Variants in FKBP1B observed in about 807,000 individuals in gnomAD.
The protein encoded by FKBP1B is FKBP prolyl isomerase 1B.
In FKBP1B, 4 loss-of-function variants were observed where a neutral mutation model predicts 13.5. The ratio of observed to expected loss-of-function variants is 0.30; its 90% CI spans 0.15 to 0.68. The LOEUF is 0.68. FKBP1B is among the 30% of genes least tolerant of loss of function. The pLI is 0.76. For missense variants in FKBP1B, 93 were observed against 136.2 expected (o/e 0.68, Z 1.58); for synonymous variants, 54 against 53.6 (o/e 1.01, Z -0.03).
At chr2:24,041,131 G>A in the FKBP1B span, among the ~76,000 whole-genome samples, 513 of 152,170 alleles carry the variant, frequency 3.4e-3, 2 homozygotes, top group Middle Eastern at 0.041. Context: ...CTGAGGTCAG[G>A]AGTTTGAGAC....
chr2:24,048,555 C>T (rs962029040), upstream of FKBP1B, among the ~76,000 whole-genome samples: 6 of 151,070 alleles, frequency 4.0e-5, no homozygotes, highest in Non-Finnish European at 8.8e-5. Flanking sequence ...TAGGCTCAAG[C>T]AATCCTCCTG....
At chr2:24,057,625 G>A (rs1193694513) in intron 2 of FKBP1B, among the ~76,000 whole-genome samples, 5 of 151,766 alleles carry the variant, frequency 3.3e-5, no homozygotes, top group Non-Finnish European at 2.9e-5. Flanking sequence ...TGCTCGCCTC[G>A]GCCTCCCAAA....
chr2:24,040,811 G>C, the FKBP1B span, among the ~76,000 whole-genome samples: 2 of 152,128 alleles, frequency 1.3e-5, no homozygotes, highest in East Asian at 3.9e-4. Context: ...GAGGTTGGGA[G>C]TTCGATCCCA....
the FKBP1B span, among the ~76,000 whole-genome samples, chr2:24,035,302 T>A: frequency 6.6e-6 from 1 of 151,686 alleles, no homozygotes; most frequent in African/African-American, 2.4e-5. Flanking sequence ...TGAAAAGGTG[T>A]GTATATCACC....
the FKBP1B span, chr2:24,039,026 C>G: frequency 5.0e-6 from 8 of 1,613,982 alleles, no homozygotes; most frequent in African/African-American, 1.3e-5. Context: ...TGAATGCGGC[C>G]CTGGGTGTTG....
the FKBP1B span, among the ~76,000 whole-genome samples, chr2:24,040,795 T>A: frequency 1.3e-5 from 2 of 152,230 alleles, no homozygotes; most frequent in Admixed American, 1.3e-4. Flanking sequence ...GACGGGAGGA[T>A]CACCTGAGGT....
At chr2:24,062,943 T>G in intron 3 of FKBP1B, 121 bp from the exon 4 acceptor site, 14 of 1,431,700 alleles carry the variant, frequency 9.8e-6, no homozygotes, top group Non-Finnish European at 1.2e-5. Context: ...AAAATTCATC[T>G]GAGATCTTCA....
chr2:24,049,250 C>G (rs966834836), upstream of FKBP1B, among the ~76,000 whole-genome samples: 3 of 152,132 alleles, frequency 2.0e-5, no homozygotes, highest in African/African-American at 7.2e-5. Context: ...CCTCTAGTCC[C>G]AGCTACTTGG....
the FKBP1B span, among the ~76,000 whole-genome samples, chr2:24,041,694 A>C: frequency 6.6e-6 from 1 of 151,502 alleles, no homozygotes; most frequent in African/African-American, 2.4e-5. Flanking sequence ...CTCTACTCAA[A>C]ATACAAAAAT....
the FKBP1B span, among the ~76,000 whole-genome samples, chr2:24,036,975 T>C: frequency 1.3e-5 from 2 of 152,386 alleles, no homozygotes; most frequent in Admixed American, 1.3e-4. Context: ...ACTTATATAA[T>C]GTTTGGACAT....
At chr2:24,042,769 A>C in the FKBP1B span, among the ~76,000 whole-genome samples, 2 of 151,810 alleles carry the variant, frequency 1.3e-5, no homozygotes, top group Non-Finnish European at 2.9e-5. Context: ...GCGGCGGCTC[A>C]CGCCTGTAAT....
At chr2:24,049,183 G>T (rs2150958306), upstream of FKBP1B, among the ~76,000 whole-genome samples, 1 of 152,160 alleles carries the variant, frequency 6.6e-6, no homozygotes. Context: ...GCGAGACCCC[G>T]TTTCTACAAA....
chr2:24,043,127 A>T, the FKBP1B span, among the ~76,000 whole-genome samples: 2 of 152,046 alleles, frequency 1.3e-5, no homozygotes, highest in Admixed American at 6.6e-5. Flanking sequence ...TGAGGTCAGG[A>T]TTTCGAGATC....
At chr2:24,045,156 C>T (rs1422786098), upstream of FKBP1B, among the ~76,000 whole-genome samples, 1 of 152,044 alleles carries the variant, frequency 6.6e-6, no homozygotes, top group Non-Finnish European at 1.5e-5. Flanking sequence ...GAAAGAAGGC[C>T]ATATTCAAGA....
chr2:24,047,727 CCTT>C (rs1215998729), upstream of FKBP1B, among the ~76,000 whole-genome samples: 1 of 152,196 alleles, frequency 6.6e-6, no homozygotes, highest in African/African-American at 2.4e-5. Flanking sequence ...GGCTTTTTAA[CCTT>C]CTTTAAAATC....
the FKBP1B span, among the ~76,000 whole-genome samples, chr2:24,034,552 A>C: frequency 2.7e-5 from 4 of 150,382 alleles, no homozygotes; most frequent in African/African-American, 4.9e-5. Context: ...TAAAAAACTG[A>C]GGAATTGAAA....
chr2:24,033,372 A>C, the FKBP1B span: 1 of 242,782 alleles, frequency 4.1e-6, no homozygotes, highest in East Asian at 1.0e-4. Context: ...TTTGCATAAA[A>C]TAAACAAACC....
upstream of FKBP1B, among the ~76,000 whole-genome samples, chr2:24,044,805 C>G (rs1573669885): frequency 8.7e-6 from 1 of 115,356 alleles, no homozygotes. Context: ...TGTTGTTGGG[C>G]AGAATTATCT....
At chr2:24,034,693 C>T in the FKBP1B span, among the ~76,000 whole-genome samples, 1 of 151,722 alleles carries the variant, frequency 6.6e-6, no homozygotes, top group Non-Finnish European at 1.5e-5. Flanking sequence ...CACACCTCAG[C>T]CTCCCAAGTA....
Sources: gnomAD v4.1 joint callset for allele counts (sites outside exome capture counted in the v4.1 genomes callset) on GRCh38, gnomAD v4.1.1 for gene constraint, MANE v1.5 for transcripts, NCBI Gene and HGNC (gene_info 2026-07-23, HGNC 2026-07-21) for gene names.